PRMT8: variants seen among roughly 807,000 people sequenced by gnomAD.
The protein encoded by PRMT8 is protein arginine methyltransferase 8.
Under a neutral mutation model 47.1 loss-of-function variants are expected in PRMT8, and 7 were observed. The observed-to-expected ratio is 0.15, with a 90% confidence interval of 0.08 to 0.28. The LOEUF is 0.28. Among genes scored for constraint, PRMT8 ranks in the 10% least tolerant of loss-of-function variants. PRMT8 has a pLI of 1.00. For missense variants in PRMT8, 237 were observed against 505.4 expected, an observed-to-expected ratio of 0.47 and a Z score of 5.09; for synonymous variants, 188 against 186.5, an observed-to-expected ratio of 1.01 and a Z score of -0.07.
intron 3 of PRMT8, 82 bp from the exon 4 acceptor site, chr12:3,553,569 A>G: frequency 8.3e-7 from 1 of 1,206,478 alleles, no homozygotes; most frequent in Non-Finnish European, 1.2e-6. Context: ...TCTGGGCCTC[A>G]GCGTCTCTAT....
At chr12:3,474,080 A>G (rs1197811096) in intron 1 of PRMT8, among the ~76,000 whole-genome samples, 2 of 152,100 alleles carry the variant, frequency 1.3e-5, no homozygotes, top group African/African-American at 4.8e-5. Context: ...AGCTTCTACA[A>G]ATGCAAATTG....
At chr12:3,459,980 G>A (rs374997165) in intron 1 of PRMT8, among the ~76,000 whole-genome samples, 38 of 152,276 alleles carry the variant, frequency 2.5e-4, no homozygotes, top group East Asian at 9.7e-4. Flanking sequence ...CTACCACACC[G>A]TCATTCACTT....
At position 3,592,341 on chromosome 12, in the gene PRMT8, G is replaced by T. The variant is rs767390882; in HGVS notation, c.1090G>T (p.Ala364Ser). 3.6e-5 allele frequency: 58 copies of T among 1,600,274 alleles called. No individual in the cohort carries two copies. The highest frequency in any genetic ancestry group is 4.8e-5 in the Non-Finnish European group (56 of 1,174,266). Reference protein sequence around the residue: ...IYGTISMKPNAKNVRDLDFTV... With the variant: ...IYGTISMKPNSKNVRDLDFTV... The stretch of plus-strand genomic sequence containing the variant: ...CGGGACCATATCCATGAAGCCAAAT[G>T]CCAAAAATGTGGTAAGTGCCGAGGG... Residue 364 changes from alanine to serine, a missense_variant, in exon 9 of 10, where the codon GCC becomes TCC. Physicochemically the swap from Ala to Ser is moderately conservative, Grantham distance 99 (BLOSUM62 1). This residue lies in a region of PRMT8 where 151 missense variants were observed against 341.1 expected (regional missense o/e 0.44). Transcript: ENST00000382622.
intron 1 of PRMT8, among the ~76,000 whole-genome samples, chr12:3,433,417 A>G (rs1333622701): frequency 6.6e-6 from 1 of 152,214 alleles, no homozygotes; most frequent in Admixed American, 6.5e-5. Flanking sequence ...CTTCAGATAC[A>G]TACATTCAAA....
chr12:3,451,607 A>G (rs1480309696), intron 1 of PRMT8, among the ~76,000 whole-genome samples: 1 of 152,210 alleles, frequency 6.6e-6, no homozygotes, highest in African/African-American at 2.4e-5. Context: ...GCCATGAGGC[A>G]TACATGGGTG....
intron 1 of PRMT8, among the ~76,000 whole-genome samples, chr12:3,468,507 G>T (rs1045092609): frequency 3.3e-5 from 5 of 152,214 alleles, no homozygotes; most frequent in African/African-American, 1.2e-4. Flanking sequence ...ACCCACGCCA[G>T]CTCCTCCCAA....
chr12:3,554,470 C>T (rs557429234), intron 4 of PRMT8, among the ~76,000 whole-genome samples: 2 of 152,178 alleles, frequency 1.3e-5, no homozygotes, highest in East Asian at 1.9e-4. Context: ...TGTCCTACTG[C>T]GCCGGGGCTG....
At position 3,456,805 on chromosome 12, in the gene PRMT8, CAA is replaced by C. The variant is rs1864978264; in HGVS notation, c.48+75365_48+75366del. Among the ~76,000 whole-genome samples, 2 of 152,044 alleles carry C rather than the reference CAA, an allele frequency of 1.3e-5. No homozygotes were observed. The highest frequency in any genetic ancestry group is 4.8e-5 in the African/African-American group (2 of 41,410). ...ACAAGAAAAAAAAAATGTCACCAAA[CAA>C]AGAGAATCGAACCCCTCTAGCCAGG... is the stretch of plus-strand genomic sequence containing the variant. On this transcript the variant is annotated intron_variant, in intron 1 of 9. Transcript: ENST00000452611. This position sits in a 1 kb window ranked among gnomAD's most constrained non-coding sequence, Gnocchi z 4.2.
At position 3,566,679 on chromosome 12, in the gene PRMT8, A is replaced by G. The variant is rs112708053; in HGVS notation, c.482-2027A>G. Among the ~76,000 whole-genome samples the G allele has an allele frequency of 3.3e-4, 51 of 152,332 alleles. No homozygotes were observed. Among genetic ancestry groups the G allele is most frequent in the African/African-American group, 1.2e-3 (50 of 41,574 alleles). ...AACGGTGTGCTCTTTGCCATCCAGG[A>G]GCCTCAGTCCAAATTAATTTTCATG... On this transcript the variant is annotated intron_variant, in intron 4 of 9. Coordinates refer to ENST00000382622, the MANE Select transcript of PRMT8 (RefSeq NM_019854.5). The surrounding 1 kb of genome is among the most constrained non-coding windows in gnomAD (Gnocchi z 4.7).
At chr12:3,573,392 C>T (rs1417510225) in intron 6 of PRMT8, among the ~76,000 whole-genome samples, 1 of 152,196 alleles carries the variant, frequency 6.6e-6, no homozygotes, top group African/African-American at 2.4e-5. Flanking sequence ...CACTGTCCAC[C>T]TTTTCCACTA....
At chr12:3,397,390 G>A (rs201729797) in intron 1 of PRMT8, among the ~76,000 whole-genome samples, 47 of 151,468 alleles carry the variant, frequency 3.1e-4, no homozygotes, top group Non-Finnish European at 4.7e-4. Flanking sequence ...TGGGTTTTTG[G>A]TGTGGATGTC....
chr12:3,592,343 CA>C lies in PRMT8; in HGVS notation c.1097del (p.Asn366MetfsTer9). 2 of 1,600,106 alleles carry C rather than the reference CA, an allele frequency of 1.2e-6. No homozygotes were observed. The highest frequency in any genetic ancestry group is 1.7e-6 in the Non-Finnish European group (2 of 1,174,152). On this transcript the variant is annotated frameshift_variant, in exon 9 of 10. Transcript: ENST00000382622. LOFTEE classifies it high-confidence loss of function. The part of the protein sequence containing the change: ...YGTISMKPNA[K>X]NVRDLDFTVD... ...GGACCATATCCATGAAGCCAAATGC[CA>C]AAAATGTGGTAAGTGCCGAGGGACA...
rs1867037184 is a variant in PRMT8 at position 3,580,360 on chromosome 12, G to GTC, written c.829-2697_829-2696insCT. ...TGCGTGTGTGTGTGTGTGTGTGTGT[G>GTC]TGTGTGTACGCGTGCGCATGCGGGA... On this transcript the variant is annotated intron_variant, in intron 7 of 9. Transcript: ENST00000382622. The surrounding 1 kb of genome is among the most constrained non-coding windows in gnomAD (Gnocchi z 4.6). Among the ~76,000 whole-genome samples, 1 of 151,732 alleles carries GTC rather than the reference G, an allele frequency of 6.6e-6. No individual in the cohort carries two copies. Among genetic ancestry groups the GTC allele is most frequent in the Admixed American group, 6.6e-5 (1 of 15,208 alleles).
At chr12:3,472,426 G>A (rs1865170223) in intron 1 of PRMT8, among the ~76,000 whole-genome samples, 1 of 152,232 alleles carries the variant, frequency 6.6e-6, no homozygotes, top group Non-Finnish European at 1.5e-5. Context: ...ACTGAAGGCA[G>A]GACAGGAGTG....
chr12:3,417,666 T>G (rs1036501941), intron 1 of PRMT8, among the ~76,000 whole-genome samples: 3 of 152,204 alleles, frequency 2.0e-5, no homozygotes, highest in Non-Finnish European at 2.9e-5. Flanking sequence ...ACTCAGGAAC[T>G]CAGCTCCTGA....
chr12:3,547,087 C>T (rs558457670), intron 2 of PRMT8, among the ~76,000 whole-genome samples: 2 of 152,234 alleles, frequency 1.3e-5, no homozygotes, highest in Admixed American at 6.5e-5. Context: ...GATAAAATCT[C>T]TCACCAAGTT....
intron 1 of PRMT8, among the ~76,000 whole-genome samples, chr12:3,454,268 G>A (rs1297450407): frequency 1.3e-5 from 2 of 152,202 alleles, no homozygotes; most frequent in African/African-American, 4.8e-5. Context: ...GGAGCCTGCG[G>A]ATGGATTCCC....
At chr12:3,478,011 G>C (rs1415723951) in intron 1 of PRMT8, among the ~76,000 whole-genome samples, 1 of 152,108 alleles carries the variant, frequency 6.6e-6, no homozygotes, top group African/African-American at 2.4e-5. Context: ...TATAAGATGA[G>C]GTGTCAGAAT....
In PRMT8 at chr12:3,583,305, G is replaced by T; in HGVS notation, c.979+97G>T. 1 of 1,374,564 alleles carries T rather than the reference G, an allele frequency of 7.3e-7. No individual in the cohort carries two copies. The allele number at this position is 1,374,564 out of a possible 1,614,324, so 85.1% of individuals were successfully genotyped here. The stretch of plus-strand genomic sequence containing the variant: ...AGCTGGCCTTGACTTGGGGAGAAGG[G>T]GCTGGGTGTTAGCTGGGTGACACCT... On this transcript the variant is annotated intron_variant, in intron 8 of 9. Transcript: ENST00000382622. This position sits in a 1 kb window ranked among gnomAD's most constrained non-coding sequence, Gnocchi z 4.7.
Sources: allele counts gnomAD v4.1 joint callset (sites outside exome capture counted in the v4.1 genomes callset), GRCh38; gene constraint gnomAD v4.1.1; regional missense constraint gnomAD v4.1.1; non-coding constraint Gnocchi (gnomAD v3.1); transcripts MANE v1.5; gene names NCBI Gene and HGNC (gene_info 2026-07-23, HGNC 2026-07-21).